ADGRF3: variants seen among roughly 807,000 people sequenced by gnomAD.
ADGRF3 encodes G protein-coupled receptor 113.
Under a neutral mutation model 93.2 loss-of-function variants are expected in ADGRF3, and 85 were observed. The observed-to-expected ratio is 0.91, with a 90% confidence interval of 0.77 to 1.09. The LOEUF (loss-of-function observed/expected upper bound fraction) is 1.09. Ranked by LOEUF, ADGRF3 falls within the 50% of genes least tolerant of loss-of-function variation. ADGRF3 has a pLI of 0.00. For synonymous variants in ADGRF3, 534 were observed against 532.5 expected, an observed-to-expected ratio of 1.00 and a Z score of -0.04; for missense variants, 1,125 against 1,246.2, an observed-to-expected ratio of 0.90 and a Z score of 1.46.
At chr2:26,309,912 T>C (rs1254121161) in intron 12 of ADGRF3, 131 bp downstream of exon 12, 3 of 1,589,466 alleles carry the variant, frequency 1.9e-6, no homozygotes, top group Non-Finnish European at 2.6e-6. Context: ...ACCGGAAAAC[T>C]GTTCATTCTA....
Position 26,311,864 on chromosome 2 carries a change from C to T in ADGRF3, c.1660G>A (p.Asp554Asn). The change falls in exon 10 of 14, where the codon GAC becomes AAC. Residue 554 changes from aspartate to asparagine, a missense_variant. Coordinates refer to ENST00000651242, the MANE Select transcript of ADGRF3 (RefSeq NM_001321971.2). ...SQLFGPTFPA[D>N]YSISFPTRPP... ...CGAGTAGGGAAGGAGATGCTGTAGT[C>T]AGCAGGAAACGTGGGTCCAAACAGC... 3 of 1,613,864 alleles carry T rather than the reference C, an allele frequency of 1.9e-6. No homozygotes were observed. The highest frequency in any genetic ancestry group is 2.5e-6 in the Non-Finnish European group (3 of 1,179,824).
At chr2:26,321,925 A>G (rs1234784738) in intron 1 of ADGRF3, among the ~76,000 whole-genome samples, 2 of 148,418 alleles carry the variant, frequency 1.3e-5, no homozygotes, top group Non-Finnish European at 3.0e-5. Context: ...GTGAGCTGAG[A>G]TCGTGCCATT....
intron 4 of ADGRF3, 62 bp from the exon 5 acceptor site, chr2:26,315,802 G>GAGC (rs1674602187): frequency 1.3e-6 from 2 of 1,544,252 alleles, no homozygotes; most frequent in South Asian, 2.4e-5. Flanking sequence ...AGATGCAGCC[G>GAGC]AGCAATGGCT....
At position 26,312,928 on chromosome 2, in the gene ADGRF3, G is replaced by T; in HGVS notation, c.1449+15C>A. The T allele has an allele frequency of 6.3e-7, 1 of 1,595,866 alleles. No individual in the cohort carries two copies. The highest frequency in any genetic ancestry group is 8.5e-7 in the Non-Finnish European group (1 of 1,170,470). ...GACTGCCCAGCTGGCCCCCACTGTGGCTCAGAGATCTCACCTTCAGGGCTC... is the reference window on the plus strand; with the variant it reads ...GACTGCCCAGCTGGCCCCCACTGTGTCTCAGAGATCTCACCTTCAGGGCTC... On this transcript the variant is annotated intron_variant, in intron 9 of 13. Coordinates refer to ENST00000651242, the MANE Select transcript of ADGRF3 (RefSeq NM_001321971.2).
chr2:26,319,937 A>T (rs754446493), intron 1 of ADGRF3, among the ~76,000 whole-genome samples: 79 of 152,178 alleles, frequency 5.2e-4, no homozygotes, highest in Non-Finnish European at 8.4e-4. Flanking sequence ...ATACTAGAAA[A>T]AATTATCAAG....
rs763794328 is a variant in ADGRF3 at position 26,321,036 on chromosome 2, A to G, written c.115-3474T>C. The stretch of plus-strand genomic sequence containing the variant: ...TCTGGATGGGTCTGTGTGCTGTTTC[A>G]TATATAGTTTTTCTAATCATAGACT... On this transcript the variant is annotated intron_variant, in intron 1 of 13. Transcript: ENST00000651242. Among the ~76,000 whole-genome samples, 202 of 152,250 alleles carry G rather than the reference A, an allele frequency of 1.3e-3. 1 individual carries two copies. Among genetic ancestry groups the G allele is most frequent in the Non-Finnish European group, 1.0e-3 (71 of 68,014 alleles).
chr2:26,313,831 G>A lies in ADGRF3; in HGVS notation c.1001C>T (p.Thr334Met), dbSNP rs145404639. 5.3e-5 allele frequency: 85 copies of A among 1,613,984 alleles called. No homozygotes were observed. In the African/African-American group the frequency reaches 8.3e-4, roughly 16 times the overall value. Reference protein sequence around the residue: ...AVQRCPMADTTYACDLQSLGL... With the variant: ...AVQRCPMADTMYACDLQSLGL... ...CAGGCTCTGCAGGTCACAAGCGTAC[G>A]TGGTGTCAGCCATCGGGCAGCGCTG... Residue 334 changes from threonine (T) to methionine (M), a missense_variant, in exon 7 of 14, where the codon ACG becomes ATG. By Grantham distance (81) the Thr-to-Met change is moderately conservative (BLOSUM62 -1). Coordinates refer to ENST00000651242, the MANE Select transcript of ADGRF3 (RefSeq NM_001321971.2).
chr2:26,319,974 C>T (rs1202606316), intron 1 of ADGRF3, among the ~76,000 whole-genome samples: 2 of 151,948 alleles, frequency 1.3e-5, no homozygotes, highest in African/African-American at 4.8e-5. Flanking sequence ...TTTTAAACTG[C>T]GGAAGGTTTT....
chr2:26,334,586 C>G (rs1675937448), intron 1 of ADGRF3, among the ~76,000 whole-genome samples: 1 of 152,090 alleles, frequency 6.6e-6, no homozygotes, highest in East Asian at 1.9e-4. Flanking sequence ...TATTCTCATG[C>G]CAAAACCAGG....
At chr2:26,321,695 GGC>G (rs1479998747) in intron 1 of ADGRF3, among the ~76,000 whole-genome samples, 1 of 152,132 alleles carries the variant, frequency 6.6e-6, no homozygotes, top group Non-Finnish European at 1.5e-5. Context: ...ATAGAGGCTG[GGC>G]GCGGTGGCTC....
chr2:26,331,376 CCT>C (rs1315180690), intron 1 of ADGRF3, among the ~76,000 whole-genome samples: 1 of 152,102 alleles, frequency 6.6e-6, no homozygotes, highest in Non-Finnish European at 1.5e-5. Context: ...ATGGCGAAAC[CCT>C]GTCTCTACTA....
chr2:26,337,788 C>T (rs1397633122), intron 1 of ADGRF3, among the ~76,000 whole-genome samples: 4 of 152,004 alleles, frequency 2.6e-5, no homozygotes, highest in African/African-American at 9.7e-5. Context: ...TTTGGGAGGC[C>T]GAGGCAGGCG....
intron 12 of ADGRF3, 45 bp downstream of exon 12, chr2:26,309,998 C>T: frequency 6.2e-7 from 1 of 1,614,094 alleles, no homozygotes; most frequent in South Asian, 1.1e-5. Flanking sequence ...TGCCTTCTGA[C>T]ATGCTCTTGG....
rs757696637 is a variant in ADGRF3, at chr2:26,311,459, C to T, written c.2065G>A (p.Val689Ile). 21 of 1,613,930 alleles carry T rather than the reference C, an allele frequency of 1.3e-5. No individual in the cohort carries two copies. The highest frequency in any genetic ancestry group is 2.7e-5 in the African/African-American group (2 of 74,924). ...GGAACAGTGTGTGGGGACATGAGGA[C>T]GGAGAAGGCAGTGAGGTGCTGGCAG... ...CLCQHLTAFS[V>I]LMSPHTVPEE... Residue 689 changes from valine to isoleucine, a missense_variant, in exon 10 of 14, where the codon GTC becomes ATC. Coordinates refer to ENST00000651242, the MANE Select transcript of ADGRF3 (RefSeq NM_001321971.2).
At chr2:26,330,059 G>A (rs1675673246) in intron 1 of ADGRF3, among the ~76,000 whole-genome samples, 1 of 152,202 alleles carries the variant, frequency 6.6e-6, no homozygotes, top group South Asian at 2.1e-4. Flanking sequence ...AAGTGTTAAT[G>A]TTTCTTTTTT....
chr2:26,315,495 G>A, intron 5 of ADGRF3, 27 bp downstream of exon 5: 5 of 1,538,908 alleles, frequency 3.2e-6, no homozygotes, highest in East Asian at 2.5e-5. Flanking sequence ...AAGGAGAAAG[G>A]AGGCAAGGAG....
At chr2:26,332,383 T>A (rs1360253695) in intron 1 of ADGRF3, among the ~76,000 whole-genome samples, 1 of 152,152 alleles carries the variant, frequency 6.6e-6, no homozygotes, top group African/African-American at 2.4e-5. Flanking sequence ...GAAAGCAGGA[T>A]GGGAAGCCAA....
In ADGRF3 at chr2:26,311,211, C is replaced by T. The variant is rs186937850; in HGVS notation, c.2313G>A (p.Pro771=). Residue 771 remains proline (P), a synonymous_variant, in exon 10 of 14, where the codon CCG becomes CCA. Transcript: ENST00000651242. ...AGAGGAAGGCGGCAGCAAGGCAGAG[C>T]GGGCTTCGGGGCCCTGGAGAGAGGA... ...APFLSPGPRS[P]LCLAAAFLCH... 9.6e-5 allele frequency: 154 copies of T among 1,602,500 alleles called. No homozygotes were observed. In the East Asian group the frequency reaches 2.5e-3, roughly 26 times the overall value.
At position 26,346,488 on chromosome 2, in the gene ADGRF3, G is replaced by C. The variant is rs542438494; in HGVS notation, c.-254C>G. 1.8e-6 allele frequency: 1 copy of C among 550,534 alleles called. No individual in the cohort carries two copies. Among genetic ancestry groups the C allele is most frequent in the Non-Finnish European group, 3.1e-6 (1 of 327,364 alleles). The allele number at this position is 550,534 out of a possible 1,614,324, so 34.1% of individuals were successfully genotyped here. ...CATCCTAAGCCCGCCGCCCGTAGTC[G>C]GCACCCCCCGGGAGATTTCCTTTTC... On this transcript the variant is annotated 5_prime_UTR_variant, in exon 1 of 14. Transcript: ENST00000651242.
Sources: allele counts gnomAD v4.1 joint callset (sites outside exome capture counted in the v4.1 genomes callset), GRCh38; gene constraint gnomAD v4.1.1; transcripts MANE v1.5; gene names NCBI Gene and HGNC (gene_info 2026-07-23, HGNC 2026-07-21).